PIP4K2A: variants seen among roughly 807,000 people sequenced by gnomAD.
PIP4K2A encodes phosphatidylinositol 5-phosphate 4-kinase type-2 alpha.
A neutral mutation model predicts 42.9 loss-of-function variants in PIP4K2A; 14 were observed. The ratio of observed to expected loss-of-function variants is 0.33; its 90% confidence interval spans 0.22 to 0.51. The LOEUF is 0.51. Ranked by LOEUF, PIP4K2A falls within the 20% of genes least tolerant of loss-of-function variation. The pLI is 0.97. For missense variants in PIP4K2A, 434 were observed against 519.8 expected, an observed-to-expected ratio of 0.83 and a Z score of 1.61; for synonymous variants, 192 against 192.2, an observed-to-expected ratio of 1.00 and a Z score of 0.01.
intron 6 of PIP4K2A, among the ~76,000 whole-genome samples, chr10:22,563,622 A>G (rs575461567): frequency 4.6e-5 from 7 of 152,316 alleles, no homozygotes; most frequent in African/African-American, 1.7e-4. Context: ...AAAGGAAAGG[A>G]GAGACATGAA....
chr10:22,545,630 G>A (rs543233105), intron 7 of PIP4K2A, among the ~76,000 whole-genome samples: 3 of 152,370 alleles, frequency 2.0e-5, no homozygotes, highest in African/African-American at 4.8e-5. Context: ...GATGCAAAAT[G>A]CATCTCTAGG....
At chr10:22,708,354 G>A (rs569349038) in intron 1 of PIP4K2A, among the ~76,000 whole-genome samples, 2 of 152,172 alleles carry the variant, frequency 1.3e-5, no homozygotes, top group African/African-American at 2.4e-5. Flanking sequence ...AGTGTCCCCA[G>A]TGTCCCTGCT....
chr10:22,697,864 A>G (rs1332775113), intron 1 of PIP4K2A, among the ~76,000 whole-genome samples: 3 of 152,196 alleles, frequency 2.0e-5, no homozygotes, highest in African/African-American at 7.2e-5. Context: ...GGTCGAGTCT[A>G]ACGTTAAGCA....
At position 22,534,875 on chromosome 10, in the gene PIP4K2A, T is replaced by C. The variant is rs188875308; in HGVS notation, c.*2326A>G. ...AAGATTCAATTCCACTTTCATTTCT[T>C]CAAGGATTAGCTAAAGACACTGTCA... is the stretch of plus-strand genomic sequence containing the variant. On this transcript the variant is annotated 3_prime_UTR_variant, in exon 10 of 10. Transcript: ENST00000376573. 48 of 152,270 alleles carry C rather than the reference T, an allele frequency of 3.2e-4. No individual in the cohort carries two copies. Among genetic ancestry groups the C allele is most frequent in the African/African-American group, 1.1e-3 (47 of 41,536 alleles). The allele number at this position is 152,270 out of a possible 1,614,324, so 9.4% of individuals were successfully genotyped here.
Position 22,635,675 on chromosome 10 carries a change from C to T in PIP4K2A, c.145-25958G>A, listed in dbSNP as rs534523276. ...GTGCCAGGCCGAGTTCTGTGGGCAG[C>T]GAGGAAGCATGGAAAGTTATGAGCC... On this transcript the variant is annotated intron_variant, in intron 1 of 9. Coordinates refer to ENST00000376573, the MANE Select transcript of PIP4K2A (RefSeq NM_005028.5). 2.1e-4 allele frequency among the ~76,000 whole-genome samples: 32 copies of T among 152,176 alleles called. No homozygotes were observed. The South Asian group carries it at 6.0e-3, about 29-fold the overall frequency.
Position 22,536,976 on chromosome 10 carries a change from AC to A in PIP4K2A, c.*224del. On this transcript the variant is annotated 3_prime_UTR_variant, in exon 10 of 10. Coordinates refer to ENST00000376573, the MANE Select transcript of PIP4K2A (RefSeq NM_005028.5). ...ACACTCACCCCCCCCCAACACACAC[AC>A]ACACACATATACACAAAGTCAGAAA... is the stretch of plus-strand genomic sequence containing the variant. 1.1e-5 allele frequency: 4 copies of A among 379,318 alleles called. No individual in the cohort carries two copies. Among genetic ancestry groups the A allele is most frequent in the East Asian group, 5.7e-5 (1 of 17,418 alleles). 23.5% of individuals were successfully genotyped at this position (379,318 alleles called of 1,614,324 possible).
At chr10:22,702,702 A>G (rs927431663) in intron 1 of PIP4K2A, among the ~76,000 whole-genome samples, 7 of 152,160 alleles carry the variant, frequency 4.6e-5, no homozygotes, top group African/African-American at 1.7e-4. Context: ...AAAATGCTCT[A>G]TGCTTGATTA....
At chr10:22,647,117 C>T (rs1351246782) in intron 1 of PIP4K2A, among the ~76,000 whole-genome samples, 1 of 152,168 alleles carries the variant, frequency 6.6e-6, no homozygotes, top group Admixed American at 6.5e-5. Context: ...TTATTGCTCT[C>T]TGGCCAAAGC....
At chr10:22,707,673 A>C (rs922368545) in intron 1 of PIP4K2A, among the ~76,000 whole-genome samples, 1 of 152,182 alleles carries the variant, frequency 6.6e-6, no homozygotes, top group Non-Finnish European at 1.5e-5. Flanking sequence ...TGTGAATCCC[A>C]AGTACTAGGC....
At chr10:22,606,142 TA>T (rs1452056390) in intron 3 of PIP4K2A, among the ~76,000 whole-genome samples, 2 of 24,886 alleles carry the variant, frequency 8.0e-5, no homozygotes, top group East Asian at 4.7e-3. Flanking sequence ...CCCCAATCTC[TA>T]CCAAAAAAAA....
chr10:22,625,750 A>T (rs1030902105), intron 1 of PIP4K2A, among the ~76,000 whole-genome samples: 2 of 152,232 alleles, frequency 1.3e-5, no homozygotes, highest in Non-Finnish European at 2.9e-5. Flanking sequence ...AGGCAGGGCC[A>T]CGACAACAGC....
chr10:22,607,735 T>C, intron 3 of PIP4K2A, 192 bp downstream of exon 3: 1 of 401,030 alleles, frequency 2.5e-6, no homozygotes, highest in Non-Finnish European at 4.5e-6. Flanking sequence ...TTTATACCGG[T>C]ATCATATGTA....
At chr10:22,554,995 G>A (rs1836500179) in intron 6 of PIP4K2A, among the ~76,000 whole-genome samples, 1 of 152,190 alleles carries the variant, frequency 6.6e-6, no homozygotes, top group Non-Finnish European at 1.5e-5. Flanking sequence ...TGGATTCCAA[G>A]TGGCATTCAT....
At chr10:22,552,484 A>G (rs1836437027) in intron 6 of PIP4K2A, among the ~76,000 whole-genome samples, 1 of 152,200 alleles carries the variant, frequency 6.6e-6, no homozygotes, top group African/African-American at 2.4e-5. Context: ...CCCCATTCCC[A>G]CAAACCTTGA....
intron 4 of PIP4K2A, among the ~76,000 whole-genome samples, chr10:22,578,084 T>TA (rs1195951436): frequency 6.6e-6 from 1 of 152,222 alleles, no homozygotes; most frequent in Non-Finnish European, 1.5e-5. Context: ...TCTGCAAAAA[T>TA]AAAATGATGC....
In PIP4K2A at chr10:22,664,110, T is replaced by C. The variant is rs1455782355; in HGVS notation, c.144+50073A>G. Among the ~76,000 whole-genome samples, 17 of 72,916 alleles carry C rather than the reference T, an allele frequency of 2.3e-4. 1 individual carries two copies. The highest frequency in any genetic ancestry group is 5.5e-4 in the African/African-American group (5 of 9,032). The allele number at this position is 72,916 out of a possible 152,430, so 47.8% of individuals were successfully genotyped here. ...ATATACATATATATATATACATATA[T>C]ATATACATATATATATATACATATA... On this transcript the variant is annotated intron_variant, in intron 1 of 9. Transcript: ENST00000376573.
rs117510151 is a variant in PIP4K2A, at chr10:22,702,315, T to C, written c.144+11868A>G. On this transcript the variant is annotated intron_variant, in intron 1 of 9. Transcript: ENST00000376573. ...CCCTATTCTTACAATGTTTATGCAA[T>C]CTTAAATTTAACTTATGGTACACTT... Among the ~76,000 whole-genome samples the C allele has an allele frequency of 2.0e-3, 305 of 152,330 alleles. 5 individuals are homozygous for C. The highest frequency in any genetic ancestry group is 0.015 in the Admixed American group (235 of 15,296).
intron 1 of PIP4K2A, among the ~76,000 whole-genome samples, chr10:22,645,871 CTTAT>C (rs1838870071): frequency 6.6e-6 from 1 of 151,806 alleles, no homozygotes. Flanking sequence ...AGCTAATCTA[CTTAT>C]TTATTTGTAT....
At chr10:22,636,804 T>G (rs1012444385) in intron 1 of PIP4K2A, among the ~76,000 whole-genome samples, 4 of 152,316 alleles carry the variant, frequency 2.6e-5, no homozygotes, top group South Asian at 4.1e-4. Context: ...GTGACTCTGG[T>G]ACTGGCCGCG....
Sources: gnomAD v4.1 joint callset for allele counts (sites outside exome capture counted in the v4.1 genomes callset) on GRCh38, gnomAD v4.1.1 for gene constraint, MANE v1.5 for transcripts, NCBI Gene and HGNC (gene_info 2026-07-23, HGNC 2026-07-21) for gene names.